Variants in S100A7 observed in about 807,000 individuals in gnomAD.
S100A7 encodes the protein protein S100-A7.
Under a neutral mutation model 3.8 loss-of-function variants are expected in S100A7, and 2 were observed. That is an observed-to-expected ratio of 0.53 (90% CI 0.22 to 1.67). The LOEUF (loss-of-function observed/expected upper bound fraction) is 1.67. Ranked by LOEUF, S100A7 falls within the 40% of genes most tolerant of loss-of-function variation. The pLI, the probability that S100A7 is intolerant of heterozygous loss-of-function variation, is 0.20. For missense variants in S100A7, 130 were observed against 126.3 expected, an observed-to-expected ratio of 1.03 and a Z score of -0.14; for synonymous variants, 55 against 45.9, an observed-to-expected ratio of 1.20 and a Z score of -0.80.
intron 1 of S100A7, among the ~76,000 whole-genome samples, chr1:153,460,145 C>T (rs1305613511): frequency 6.6e-6 from 1 of 152,192 alleles, no homozygotes; most frequent in Admixed American, 6.5e-5. Context: ...CAATACCTTA[C>T]CCAGGTAGGG....
Position 153,458,912 on chromosome 1 carries a change from C to T in S100A7, c.102G>A (p.Thr34=), listed in dbSNP as rs1357193677. ...DDKIEKPSLL[T]MMKENFPNFL... is the part of the protein sequence containing the mutation. ...AGTTGGGGAAGTTCTCCTTCATCAT[C>T]GTCAGCAGGCTTGGCTTCTCAATCT... The change falls in exon 2 of 3, where the codon ACG becomes ACA. Residue 34 remains threonine (T), a synonymous_variant. Coordinates refer to ENST00000368723, the MANE Select transcript of S100A7 (RefSeq NM_002963.4). 4.3e-6 allele frequency: 7 copies of T among 1,614,016 alleles called. No individual in the cohort carries two copies. The highest frequency in any genetic ancestry group is 4.5e-5 in the East Asian group (2 of 44,876).
chr1:153,460,586 C>T (rs1663804825), intron 1 of S100A7, 22 bp downstream of exon 1: 2 of 932,318 alleles, frequency 2.1e-6, no homozygotes, highest in Non-Finnish European at 1.7e-6. Flanking sequence ...CTAGAAAACG[C>T]AAAGAGGCAG....
At chr1:153,458,078 G>A (rs1663731658) in intron 2 of S100A7, 108 bp from the exon 3 acceptor site, 2 of 1,278,832 alleles carry the variant, frequency 1.6e-6, no homozygotes, top group Non-Finnish European at 2.2e-6. Context: ...GATCTGCACA[G>A]GCATGGTGGC....
At position 153,458,992 on chromosome 1, in the gene S100A7, T is replaced by C. The variant is rs767337156; in HGVS notation, c.22A>G (p.Arg8Gly). 4.3e-6 allele frequency: 7 copies of C among 1,613,794 alleles called. No individual in the cohort carries two copies. The East Asian group carries it at 1.6e-4, about 36-fold the overall frequency. Reference protein sequence around the residue: MSNTQAERSIIGMIDMFH... With the variant: MSNTQAEGSIIGMIDMFH... ...ATGTCGATCATGCCTATTATGGACC[T>C]CTCAGCTTGAGTGTTGCTCATCTTT... The change falls in exon 2 of 3, where the codon AGG (arginine) becomes GGG (glycine). Residue 8 changes from arginine to glycine, a missense_variant. Coordinates refer to ENST00000368723, the MANE Select transcript of S100A7 (RefSeq NM_002963.4).
chr1:153,457,973 G>C lies in S100A7; in HGVS notation c.142-3C>G, dbSNP rs1222048009. 6.2e-7 allele frequency: 1 copy of C among 1,613,034 alleles called. No individual in the cohort carries two copies. The highest frequency in any genetic ancestry group is 1.7e-5 in the Admixed American group (1 of 59,856). On this transcript the variant is annotated splice_region_variant and splice_polypyrimidine_tract_variant and intron_variant, in intron 2 of 2. Coordinates refer to ENST00000368723, the MANE Select transcript of S100A7 (RefSeq NM_002963.4). ...AGGTAATTTGTGCCCTTTTTGTCCT[G>C]TGAAGAGAAAAACATACAAAATAGA...
rs1259157958 is a variant in S100A7 at position 153,457,779 on chromosome 1, C to T, written c.*27G>A. 1 of 1,609,872 alleles carries T rather than the reference C, an allele frequency of 6.2e-7. No homozygotes were observed. The highest frequency in any genetic ancestry group is 8.5e-7 in the Non-Finnish European group (1 of 1,177,850). Reference sequence around the variant, plus strand: ...GAAGACATTTTATTGTTCCTGGGGTCTCTGGAGGCCCATTGGTGGGGCTGG... The same window carrying T: ...GAAGACATTTTATTGTTCCTGGGGTTTCTGGAGGCCCATTGGTGGGGCTGG... On this transcript the variant is annotated 3_prime_UTR_variant, in exon 3 of 3. Coordinates refer to ENST00000368723, the MANE Select transcript of S100A7 (RefSeq NM_002963.4).
At position 153,459,038 on chromosome 1, in the gene S100A7, A is replaced by G. The variant is rs527383236; in HGVS notation, c.-17-8T>C. On this transcript the variant is annotated splice_polypyrimidine_tract_variant and splice_region_variant and intron_variant, in intron 1 of 2. Coordinates refer to ENST00000368723, the MANE Select transcript of S100A7 (RefSeq NM_002963.4). ...TCTTTGCTTTCAAAAAGCCTTCAGG[A>G]AATAAAGACAATCATTTTTTTCCCT... is the stretch of plus-strand genomic sequence containing the variant. The G allele has an allele frequency of 1.9e-6, 3 of 1,608,084 alleles. No individual in the cohort carries two copies. Among genetic ancestry groups the G allele is most frequent in the Non-Finnish European group, 2.5e-6 (3 of 1,176,974 alleles).
At chr1:153,458,392 T>A (rs1189568162) in intron 2 of S100A7, among the ~76,000 whole-genome samples, 2 of 152,172 alleles carry the variant, frequency 1.3e-5, no homozygotes, top group Non-Finnish European at 2.9e-5. Flanking sequence ...ACCAAACTCA[T>A]CTTCTGGGTA....
At position 153,458,878 on chromosome 1, in the gene S100A7, C is replaced by G. The variant is rs1361533865; in HGVS notation, c.136G>C (p.Ala46Pro). 3 of 1,613,860 alleles carry G rather than the reference C, an allele frequency of 1.9e-6. No individual in the cohort carries two copies. Among genetic ancestry groups the G allele is most frequent in the Non-Finnish European group, 1.7e-6 (2 of 1,179,820 alleles). Reference protein sequence around the residue: ...MKENFPNFLSACDKKGTNYLA... With the variant: ...MKENFPNFLSPCDKKGTNYLA... ...GAAGCTAGACACCGACTCACACAGG[C>G]ACTAAGGAAGTTGGGGAAGTTCTCC... is the stretch of plus-strand genomic sequence containing the variant. Residue 46 changes from alanine (A) to proline (P), a missense_variant, in exon 2 of 3, where the codon GCC becomes CCC. By Grantham distance (27) the Ala-to-Pro change is conservative (BLOSUM62 -1). Coordinates refer to ENST00000368723, the MANE Select transcript of S100A7 (RefSeq NM_002963.4).
intron 1 of S100A7, among the ~76,000 whole-genome samples, chr1:153,460,083 G>A (rs532899241): frequency 1.2e-4 from 19 of 152,348 alleles, no homozygotes; most frequent in African/African-American, 3.8e-4. Flanking sequence ...GTGCCCAGAG[G>A]GTGACTGACA....
intron 2 of S100A7, 53 bp downstream of exon 2, chr1:153,458,820 G>C: frequency 6.2e-7 from 1 of 1,602,848 alleles, no homozygotes; most frequent in Non-Finnish European, 8.5e-7. Flanking sequence ...ATCTGTCCAA[G>C]GCCACATAGC....
At chr1:153,459,451 T>A (rs1456187621) in intron 1 of S100A7, among the ~76,000 whole-genome samples, 1 of 152,210 alleles carries the variant, frequency 6.6e-6, no homozygotes, top group Non-Finnish European at 1.5e-5. Flanking sequence ...GGCAGGACAA[T>A]GGCCTTGGTG....
At position 153,460,157 on chromosome 1, in the gene S100A7, C is replaced by A. The variant is rs1571204195; in HGVS notation, c.-18+451G>T. Among the ~76,000 whole-genome samples, 4 of 152,330 alleles carry A rather than the reference C, an allele frequency of 2.6e-5. No homozygotes were observed. In the South Asian group the frequency reaches 6.2e-4, roughly 24 times the overall value. On this transcript the variant is annotated intron_variant, in intron 1 of 2. Transcript: ENST00000368723. The stretch of plus-strand genomic sequence containing the variant: ...TCTCAATACCTTACCCAGGTAGGGG[C>A]AAGCCATCTGGCCAGGGCTATGCTG...
In S100A7 at chr1:153,458,947, G is replaced by A. The variant is rs143477256; in HGVS notation, c.67C>T (p.Arg23Cys). 3.1e-5 allele frequency: 50 copies of A among 1,613,906 alleles called. No homozygotes were observed. The highest frequency in any genetic ancestry group is 5.3e-5 in the African/African-American group (4 of 74,902). Residue 23 changes from arginine (R) to cysteine (C), a missense_variant, in exon 2 of 3, where the codon CGT becomes TGT. Transcript: ENST00000368723. ...MIDMFHKYTR[R>C]DDKIEKPSLL... Reference sequence around the variant, plus strand: ...CTTGGCTTCTCAATCTTGTCATCACGTCTGGTGTATTTGTGAAACATGTCG... The same window carrying A: ...CTTGGCTTCTCAATCTTGTCATCACATCTGGTGTATTTGTGAAACATGTCG...
Position 153,457,815 on chromosome 1 carries a change from G to A in S100A7, c.297C>T (p.Gly99=). The change falls in exon 3 of 3, where the codon GGC becomes GGT. Residue 99 remains glycine (G), a synonymous_variant. Coordinates refer to ENST00000368723, the MANE Select transcript of S100A7 (RefSeq NM_002963.4). ...CATTGGTGGGGCTGGGTCACTGGCT[G>A]CCCCCGGAACAGGGCGCTGCTCCAT... The part of the protein sequence containing the change: ...QSHGAAPCSG[G]SQ 1 of 1,614,012 alleles carries A rather than the reference G, an allele frequency of 6.2e-7. No homozygotes were observed.
intron 1 of S100A7, 41 bp from the exon 2 acceptor site, chr1:153,459,071 A>G: frequency 6.3e-7 from 1 of 1,599,038 alleles, no homozygotes; most frequent in Non-Finnish European, 8.5e-7. Context: ...CCTTCATTTA[A>G]GTTAGGGTCT....
In S100A7 at chr1:153,459,035, A is replaced by G. The variant is rs1663756542; in HGVS notation, c.-17-5T>C. ...TCATCTTTGCTTTCAAAAAGCCTTCAGGAAATAAAGACAATCATTTTTTTC... is the reference window on the plus strand; with the variant it reads ...TCATCTTTGCTTTCAAAAAGCCTTCGGGAAATAAAGACAATCATTTTTTTC... On this transcript the variant is annotated splice_polypyrimidine_tract_variant and splice_region_variant and intron_variant, in intron 1 of 2. Transcript: ENST00000368723. The G allele has an allele frequency of 1.2e-6, 2 of 1,609,496 alleles. No individual in the cohort carries two copies. Among genetic ancestry groups the G allele is most frequent in the Non-Finnish European group, 1.7e-6 (2 of 1,177,820 alleles).
At chr1:153,458,397 T>TGG (rs1663739181) in intron 2 of S100A7, among the ~76,000 whole-genome samples, 1 of 152,202 alleles carries the variant, frequency 6.6e-6, no homozygotes. Context: ...ACTCATCTTC[T>TGG]GGGTATCCTA....
chr1:153,459,552 G>C (rs1337675632), intron 1 of S100A7, among the ~76,000 whole-genome samples: 1 of 152,222 alleles, frequency 6.6e-6, no homozygotes, highest in Admixed American at 6.5e-5. Context: ...GACACGGTGT[G>C]TGCAGGCTCC....
Sources: gnomAD v4.1 joint callset for allele counts (sites outside exome capture counted in the v4.1 genomes callset) on GRCh38, gnomAD v4.1.1 for gene constraint, MANE v1.5 for transcripts, NCBI Gene and HGNC (gene_info 2026-07-23, HGNC 2026-07-21) for gene names.